ERMN: variants seen among roughly 807,000 people sequenced by gnomAD.
ERMN encodes the protein ermin, also known as ermin, ERM-like protein.
Under a neutral mutation model 21.4 loss-of-function variants are expected in ERMN, and 17 were observed. The ratio of observed to expected loss-of-function variants is 0.80; its 90% CI spans 0.54 to 1.19. The LOEUF (loss-of-function observed/expected upper bound fraction) is 1.19, where lower values mean the gene tolerates loss of function less well. ERMN is among the 50% of genes most tolerant of loss of function. The probability of loss-of-function intolerance (pLI) is 0.00; values close to 1 mark genes in which losing one functional copy is unlikely to be tolerated. For synonymous variants in ERMN, 115 were observed against 111.9 expected (o/e 1.03, Z -0.17); for missense variants, 348 against 331.6 (o/e 1.05, Z -0.38).
At chr2:157,326,530 A>G (rs933681174), upstream of ERMN, among the ~76,000 whole-genome samples, 1 of 152,230 alleles carries the variant, frequency 6.6e-6, no homozygotes, top group African/African-American at 2.4e-5. Flanking sequence ...AATCCTTTCT[A>G]TTCCATACTG....
At chr2:157,326,489 T>C (rs150417676), upstream of ERMN, among the ~76,000 whole-genome samples, 3 of 152,332 alleles carry the variant, frequency 2.0e-5, no homozygotes, top group East Asian at 5.8e-4. Flanking sequence ...ATTATCGCCA[T>C]GAAGGTTTCT....
In ERMN at chr2:157,321,391, C is replaced by T; in HGVS notation, c.735G>A (p.Gly245=). 6.2e-7 allele frequency: 1 copy of T among 1,614,114 alleles called. No homozygotes were observed. The highest frequency in any genetic ancestry group is 8.5e-7 in the Non-Finnish European group (1 of 1,180,004). The change falls in exon 3 of 3, where the codon GGG becomes GGA. Residue 245 remains glycine, a synonymous_variant. Transcript: ENST00000410096. ...CATTTCTGGAGATATCACTCTTCTTCCCTAAGGTTGGCTGCTCATCAGGTG... is the reference window on the plus strand; with the variant it reads ...CATTTCTGGAGATATCACTCTTCTTTCCTAAGGTTGGCTGCTCATCAGGTG... ...AVTPDEQPTL[G]KKSDISRNAY... is the part of the protein sequence containing the mutation.
At chr2:157,321,818 G>C in intron 2 of ERMN, 27 bp from the exon 3 acceptor site, 1 of 1,543,514 alleles carries the variant, frequency 6.5e-7, no homozygotes, top group Non-Finnish European at 8.7e-7. Flanking sequence ...TGGTAGATGA[G>C]ATGTGTAGAG....
Position 157,321,582 on chromosome 2 carries a change from A to C in ERMN, c.544T>G (p.Trp182Gly), listed in dbSNP as rs536273219. 4.5e-5 allele frequency: 72 copies of C among 1,614,018 alleles called. No individual in the cohort carries two copies. The South Asian group carries it at 7.6e-4, about 17-fold the overall frequency. Residue 182 changes from tryptophan to glycine, a missense_variant, in exon 3 of 3, where the codon TGG becomes GGG. Coordinates refer to ENST00000410096, the MANE Select transcript of ERMN (RefSeq NM_020711.3). ...HSKHDEEQKV[W>G]DEEIDDDDDD... ...TCATCATCATCAATTTCTTCATCCC[A>C]AACCTTCTGCTCCTCATCATGTTTA...
chr2:157,323,270 G>A (rs1683963230), intron 2 of ERMN, among the ~76,000 whole-genome samples: 1 of 152,198 alleles, frequency 6.6e-6, no homozygotes, highest in African/African-American at 2.4e-5. Context: ...AGGGGCTCTA[G>A]ATGATAGGAG....
chr2:157,322,263 C>T (rs1000284710), intron 2 of ERMN, among the ~76,000 whole-genome samples: 1 of 151,934 alleles, frequency 6.6e-6, no homozygotes, highest in African/African-American at 2.4e-5. Context: ...CACACACACA[C>T]ACACACACAC....
upstream of ERMN, among the ~76,000 whole-genome samples, chr2:157,326,404 T>G (rs562747743): frequency 5.9e-5 from 9 of 152,310 alleles, no homozygotes; most frequent in African/African-American, 2.2e-4. Context: ...TCAGAGTAAT[T>G]TACTTAGTCT....
intron 2 of ERMN, among the ~76,000 whole-genome samples, chr2:157,323,385 C>A (rs561700345): frequency 1.3e-5 from 2 of 152,172 alleles, no homozygotes; most frequent in Admixed American, 6.5e-5. Context: ...AAAATTATCT[C>A]TGGTAATGTG....
chr2:157,324,580 C>A, intron 2 of ERMN, 90 bp downstream of exon 2: 2 of 1,025,482 alleles, frequency 2.0e-6, no homozygotes, highest in Non-Finnish European at 1.5e-6. Context: ...ATTGCTTTGT[C>A]AACCCCACGC....
Position 157,321,071 on chromosome 2 carries a change from T to C in ERMN, c.*200A>G. The C allele has an allele frequency of 1.3e-6, 1 of 746,424 alleles. No individual in the cohort carries two copies. The highest frequency in any genetic ancestry group is 2.0e-6 in the Non-Finnish European group (1 of 488,558). The allele number at this position is 746,424 out of a possible 1,614,324, so 46.2% of individuals were successfully genotyped here. A position where few individuals can be genotyped will look rare whatever the true frequency, so the allele number is the denominator to read the frequency against. On this transcript the variant is annotated 3_prime_UTR_variant, in exon 3 of 3. Coordinates refer to ENST00000410096, the MANE Select transcript of ERMN (RefSeq NM_020711.3). The stretch of plus-strand genomic sequence containing the variant: ...TTTAAAAGATAAATGCCCAAGAATT[T>C]ATTTAAAGCTTTTTGATTTGAGGTT...
Position 157,320,961 on chromosome 2 carries a change from T to A in ERMN, c.*310A>T. ...ATTTGATGACTACCTTTCCAAGCAT[T>A]GCTACATTTATAGCCGAATTATGCC... is the stretch of plus-strand genomic sequence containing the variant. On this transcript the variant is annotated 3_prime_UTR_variant, in exon 3 of 3. Coordinates refer to ENST00000410096, the MANE Select transcript of ERMN (RefSeq NM_020711.3). 1 of 273,718 alleles carries A rather than the reference T, an allele frequency of 3.7e-6. No individual in the cohort carries two copies. The highest frequency in any genetic ancestry group is 7.1e-5 in the South Asian group (1 of 14,004). The allele number at this position is 273,718 out of a possible 1,614,324, so 17.0% of individuals were successfully genotyped here.
intron 2 of ERMN, among the ~76,000 whole-genome samples, chr2:157,323,139 G>T (rs962147113): frequency 1.3e-5 from 2 of 152,140 alleles, no homozygotes; most frequent in African/African-American, 4.8e-5. Flanking sequence ...TTCATTGAGG[G>T]AAAACTTAAC....
In ERMN at chr2:157,324,716, A is replaced by G. The variant is rs1684015203; in HGVS notation, c.288T>C (p.Asp96=). The change falls in exon 2 of 3, where the codon GAT becomes GAC. Residue 96 remains aspartate (D), a synonymous_variant. Coordinates refer to ENST00000410096, the MANE Select transcript of ERMN (RefSeq NM_020711.3). ...CAGCACTAGTTTCTTGGAGAGAAAG[A>G]TCTGTGATAGCCTTATGAACAATAA... ...KLFIVHKAIT[D]LSLQETSADE... is the part of the protein sequence containing the mutation. 1 of 1,613,654 alleles carries G rather than the reference A, an allele frequency of 6.2e-7. No homozygotes were observed. The highest frequency in any genetic ancestry group is 1.7e-5 in the Admixed American group (1 of 59,978).
rs1683854713 is a variant in ERMN at position 157,320,399 on chromosome 2, A to G, written c.*872T>C. 6.6e-6 allele frequency: 1 copy of G among 152,650 alleles called. No homozygotes were observed. The highest frequency in any genetic ancestry group is 1.5e-5 in the Non-Finnish European group (1 of 68,024). 9.5% of individuals were successfully genotyped at this position (152,650 alleles called of 1,614,324 possible). On this transcript the variant is annotated 3_prime_UTR_variant, in exon 3 of 3. Coordinates refer to ENST00000410096, the MANE Select transcript of ERMN (RefSeq NM_020711.3). ...AGAAAATTATTCTGAGATACTGTTA[A>G]TAAGAGAAAATGTGGTAATAGAGAG...
At chr2:157,326,059 C>G (rs1302601416), upstream of ERMN, 5 of 491,606 alleles carry the variant, frequency 1.0e-5, no homozygotes, top group Non-Finnish European at 1.1e-5. Context: ...CATAATGGCC[C>G]ATTGTAATTT....
intron 2 of ERMN, among the ~76,000 whole-genome samples, chr2:157,322,269 C>T (rs778775636): frequency 3.3e-5 from 5 of 151,792 alleles, no homozygotes; most frequent in Non-Finnish European, 7.4e-5. Context: ...CACACACACA[C>T]ACACCTCAAG....
In ERMN at chr2:157,318,819, T is replaced by A. The variant is rs1683788435; in HGVS notation, c.*2452A>T. 6.6e-6 allele frequency: 1 copy of A among 152,084 alleles called. No individual in the cohort carries two copies. Among genetic ancestry groups the A allele is most frequent in the Admixed American group, 6.6e-5 (1 of 15,246 alleles). The allele number at this position is 152,084 out of a possible 1,614,324, so 9.4% of individuals were successfully genotyped here. A position where few individuals can be genotyped will look rare whatever the true frequency, so the allele number is the denominator to read the frequency against. Reference sequence around the variant, plus strand: ...TCTAGCAACAGAGGAAAACAAAAAATCATGTAAGAAATACCAGCATTTGCA... The same window carrying A: ...TCTAGCAACAGAGGAAAACAAAAAAACATGTAAGAAATACCAGCATTTGCA... On this transcript the variant is annotated 3_prime_UTR_variant, in exon 3 of 3. Coordinates refer to ENST00000410096, the MANE Select transcript of ERMN (RefSeq NM_020711.3).
intron 2 of ERMN, among the ~76,000 whole-genome samples, chr2:157,322,068 C>T (rs1683923660): frequency 6.6e-6 from 1 of 152,058 alleles, no homozygotes; most frequent in African/African-American, 2.4e-5. Context: ...AGAAAGTCAA[C>T]AACCTAACTT....
At chr2:157,326,683 G>C (rs568763611), upstream of ERMN, among the ~76,000 whole-genome samples, 125 of 152,176 alleles carry the variant, frequency 8.2e-4, no homozygotes, top group South Asian at 1.0e-3. Context: ...GTACAAAATG[G>C]TTCCAGAGCC....
Sources: gnomAD v4.1 joint callset for allele counts (sites outside exome capture counted in the v4.1 genomes callset) on GRCh38, gnomAD v4.1.1 for gene constraint, MANE v1.5 for transcripts, NCBI Gene and HGNC (gene_info 2026-07-23, HGNC 2026-07-21) for gene names.